Variants in CDH12 observed in about 807,000 individuals in gnomAD.
CDH12 encodes the protein cadherin 12, also known as cadherin-12.
A neutral mutation model predicts 74.1 loss-of-function variants in CDH12; 41 were observed. The ratio of observed to expected loss-of-function variants is 0.55; its 90% CI spans 0.43 to 0.72. CDH12 has a LOEUF of 0.72. Among genes scored for constraint, CDH12 ranks in the 30% least tolerant of loss-of-function variants. The probability of loss-of-function intolerance (pLI) is 0.00; values close to 1 mark genes in which losing one functional copy is unlikely to be tolerated. For missense variants in CDH12, 945 were observed against 977.2 expected, an observed-to-expected ratio of 0.97 and a Z score of 0.44; for synonymous variants, 399 against 355.0, an observed-to-expected ratio of 1.12 and a Z score of -1.39.
chr5:22,117,440 ATATATATAATATATATAT>A (rs1561128431), intron 4 of CDH12, among the ~76,000 whole-genome samples: 3 of 93,312 alleles, frequency 3.2e-5, no homozygotes, highest in African/African-American at 1.4e-4. Flanking sequence ...TATAAATTAT[ATATATATAATATATATAT>A]TATATATATA....
chr5:22,590,948 C>CT (rs1736278348), intron 1 of CDH12, among the ~76,000 whole-genome samples: 1 of 151,930 alleles, frequency 6.6e-6, no homozygotes, highest in Non-Finnish European at 1.5e-5. Context: ...TAAAATCTGT[C>CT]TTTTTCCAAT....
intron 2 of CDH12, among the ~76,000 whole-genome samples, chr5:22,449,601 C>G (rs1443243190): frequency 3.3e-5 from 5 of 152,032 alleles, no homozygotes; most frequent in Non-Finnish European, 7.4e-5. Context: ...CAGAAGATAA[C>G]TTTGAAAATG....
Position 22,499,686 on chromosome 5 carries a change from A to T in CDH12, c.-428+5584T>A, listed in dbSNP as rs373220343. Among the ~76,000 whole-genome samples the T allele has an allele frequency of 3.9e-5, 6 of 152,284 alleles. No individual in the cohort carries two copies. The South Asian group carries it at 8.3e-4, about 21-fold the overall frequency. On this transcript the variant is annotated intron_variant, in intron 2 of 14. Transcript: ENST00000382254. Reference sequence around the variant, plus strand: ...GAAAAGATGGTTATTCGTCCCTAGTATGGGGTGTAGAATAGGGTATACCCA... The same window carrying T: ...GAAAAGATGGTTATTCGTCCCTAGTTTGGGGTGTAGAATAGGGTATACCCA...
intron 4 of CDH12, among the ~76,000 whole-genome samples, chr5:22,119,209 C>A (rs1221010730): frequency 6.6e-6 from 1 of 151,250 alleles, no homozygotes; most frequent in Non-Finnish European, 1.5e-5. Flanking sequence ...TGAACACTGG[C>A]ATTCTTTTTG....
chr5:22,326,590 A>T (rs140006784), intron 3 of CDH12, among the ~76,000 whole-genome samples: 110 of 152,290 alleles, frequency 7.2e-4, no homozygotes, highest in Non-Finnish European at 1.1e-3. Flanking sequence ...TTAACATTCT[A>T]GACATCTAAC....
intron 3 of CDH12, among the ~76,000 whole-genome samples, chr5:22,329,092 AT>A (rs1218456623): frequency 6.6e-6 from 1 of 152,324 alleles, no homozygotes; most frequent in East Asian, 1.9e-4. Flanking sequence ...GGCTCAGTGA[AT>A]TAACATTCAA....
intron 3 of CDH12, among the ~76,000 whole-genome samples, chr5:22,309,725 G>C (rs972594172): frequency 1.3e-5 from 2 of 151,866 alleles, no homozygotes; most frequent in Non-Finnish European, 2.9e-5. Flanking sequence ...ATAATGCTGA[G>C]TTTATTATAT....
At chr5:22,280,109 G>T (rs1344635981) in intron 3 of CDH12, among the ~76,000 whole-genome samples, 1 of 152,104 alleles carries the variant, frequency 6.6e-6, no homozygotes, top group East Asian at 1.9e-4. Context: ...GTTTTGATTT[G>T]CATTTCTCTG....
At chr5:22,198,703 G>A (rs926500022) in intron 4 of CDH12, among the ~76,000 whole-genome samples, 1 of 152,142 alleles carries the variant, frequency 6.6e-6, no homozygotes. Context: ...GTATTTGAAT[G>A]CATCTTACAC....
intron 6 of CDH12, among the ~76,000 whole-genome samples, chr5:21,947,366 G>A (rs532746269): frequency 1.3e-5 from 2 of 152,214 alleles, no homozygotes; most frequent in African/African-American, 4.8e-5. Flanking sequence ...AACTTCCTAG[G>A]GACTTGTGGA....
intron 1 of CDH12, among the ~76,000 whole-genome samples, chr5:22,645,706 G>A (rs1739401880): frequency 1.3e-5 from 2 of 151,888 alleles, no homozygotes; most frequent in Non-Finnish European, 2.9e-5. Flanking sequence ...GATCAATGTG[G>A]CCAACTTTAT....
intron 1 of CDH12, among the ~76,000 whole-genome samples, chr5:22,654,137 C>T (rs1012162162): frequency 6.8e-6 from 1 of 147,092 alleles, no homozygotes; most frequent in African/African-American, 2.5e-5. Context: ...CTCCCTTCCC[C>T]TTCCTTTCTT....
chr5:22,749,852 T>C (rs1240195666), intron 1 of CDH12, among the ~76,000 whole-genome samples: 4 of 152,244 alleles, frequency 2.6e-5, no homozygotes, highest in African/African-American at 7.2e-5. Flanking sequence ...CAGTACATTC[T>C]CATTATATTT....
At chr5:21,997,094 G>T (rs567589340) in intron 5 of CDH12, among the ~76,000 whole-genome samples, 1 of 151,870 alleles carries the variant, frequency 6.6e-6, no homozygotes, top group African/African-American at 2.4e-5. Flanking sequence ...ATTAATAATC[G>T]TTTTCTTCTT....
intron 3 of CDH12, among the ~76,000 whole-genome samples, chr5:22,318,189 G>C (rs1247493908): frequency 6.6e-6 from 1 of 152,158 alleles, no homozygotes; most frequent in East Asian, 1.9e-4. Context: ...ATGTGTTTAA[G>C]TTTCATTAGC....
intron 6 of CDH12, among the ~76,000 whole-genome samples, chr5:21,933,669 A>T (rs111917299): frequency 0.047 from 7,215 of 152,322 alleles, 231 homozygotes; most frequent in Middle Eastern, 0.085. Flanking sequence ...AAATTTGTCA[A>T]CTGAGAAATG....
At chr5:21,798,414 A>G (rs1256315770) in intron 10 of CDH12, among the ~76,000 whole-genome samples, 1 of 152,116 alleles carries the variant, frequency 6.6e-6, no homozygotes, top group Non-Finnish European at 1.5e-5. Flanking sequence ...CCTGAAATGT[A>G]CGGGTGCTCA....
At chr5:22,110,663 A>G (rs888110511) in intron 4 of CDH12, among the ~76,000 whole-genome samples, 5 of 152,116 alleles carry the variant, frequency 3.3e-5, no homozygotes, top group Admixed American at 3.3e-4. Flanking sequence ...CAAAAGGCCA[A>G]TCATAGGTGC....
chr5:21,768,386 C>T (rs1579664898), intron 11 of CDH12, among the ~76,000 whole-genome samples: 1 of 151,400 alleles, frequency 6.6e-6, no homozygotes, highest in African/African-American at 2.4e-5. Flanking sequence ...TGATTTAGAA[C>T]CTATTTCATT....
Sources: allele counts gnomAD v4.1 joint callset (sites outside exome capture counted in the v4.1 genomes callset), GRCh38; gene constraint gnomAD v4.1.1; transcripts MANE v1.5; gene names NCBI Gene and HGNC (gene_info 2026-07-23, HGNC 2026-07-21).